The following PBX1 variants were observed in gnomAD, a reference collection of about 807,000 sequenced individuals.
PBX1 encodes the protein pre-B-cell leukemia transcription factor 1.
PBX1 carries 6 observed loss-of-function variants against 53.4 expected under a neutral mutation model. The observed-to-expected ratio is 0.11, with a 90% CI of 0.06 to 0.22. PBX1 has a LOEUF of 0.22. PBX1 is among the 10% of genes least tolerant of loss of function. The pLI, the probability that PBX1 is intolerant of heterozygous loss-of-function variation, is 1.00. For synonymous variants in PBX1, 204 were observed against 212.3 expected (o/e 0.96, Z 0.34); for missense variants, 251 against 551.4 (o/e 0.46, Z 5.46).
chr1:164,640,439 A>T (rs1659049756), intron 2 of PBX1, among the ~76,000 whole-genome samples: 1 of 151,860 alleles, frequency 6.6e-6, no homozygotes, highest in Non-Finnish European at 1.5e-5. Flanking sequence ...TAAGTGCTCC[A>T]CTCAGCAGAT....
At chr1:164,707,414 T>TGAGAGA (rs1335251572) in intron 2 of PBX1, among the ~76,000 whole-genome samples, 20 of 106,754 alleles carry the variant, frequency 1.9e-4, no homozygotes, top group Admixed American at 8.0e-4. Context: ...TGTGTGTGTG[T>TGAGAGA]GTGTGAGAGA....
chr1:164,576,508 C>G (rs1283450020), intron 2 of PBX1, among the ~76,000 whole-genome samples: 1 of 152,186 alleles, frequency 6.6e-6, no homozygotes, highest in Non-Finnish European at 1.5e-5. Flanking sequence ...GAGTTCCCAG[C>G]GCAGGCCGCA....
intron 2 of PBX1, among the ~76,000 whole-genome samples, chr1:164,628,716 ATCTCTCTCTT>A (rs955875518): frequency 1.4e-4 from 21 of 149,778 alleles, no homozygotes; most frequent in African/African-American, 4.9e-4. Flanking sequence ...TTATATCTGT[ATCTCTCTCTT>A]TCTCTCTCTA....
At chr1:164,793,593 C>T (rs892709090) in intron 3 of PBX1, among the ~76,000 whole-genome samples, 1 of 152,112 alleles carries the variant, frequency 6.6e-6, no homozygotes, top group Non-Finnish European at 1.5e-5. Flanking sequence ...ATAGAGAACC[C>T]CCATCCCATC....
intron 2 of PBX1, among the ~76,000 whole-genome samples, chr1:164,664,514 A>G (rs1170506329): frequency 6.6e-6 from 1 of 152,212 alleles, no homozygotes; most frequent in Non-Finnish European, 1.5e-5. Flanking sequence ...TAGTCACAAT[A>G]TCAACTGGCA....
downstream of PBX1, among the ~76,000 whole-genome samples, chr1:164,853,273 G>C (rs933225548): frequency 4.6e-5 from 7 of 152,204 alleles, no homozygotes; most frequent in Non-Finnish European, 1.0e-4. Flanking sequence ...AGGGGTAGGC[G>C]TGGGGATTAG....
chr1:164,654,894 G>A (rs1660055229), intron 2 of PBX1, among the ~76,000 whole-genome samples: 1 of 152,134 alleles, frequency 6.6e-6, no homozygotes, highest in Non-Finnish European at 1.5e-5. Flanking sequence ...GCTTGTGATT[G>A]GGGAGTAATG....
chr1:164,664,614 T>C (rs1031938916), intron 2 of PBX1, among the ~76,000 whole-genome samples: 15 of 152,340 alleles, frequency 9.8e-5, no homozygotes, highest in African/African-American at 3.6e-4. Context: ...CGTGATGGTA[T>C]GTATTAGTCT....
chr1:164,646,367 G>C (rs1659452054), intron 2 of PBX1, among the ~76,000 whole-genome samples: 1 of 152,198 alleles, frequency 6.6e-6, no homozygotes, highest in African/African-American at 2.4e-5. Context: ...TGCATAACTA[G>C]TTTGATCAAC....
At chr1:164,635,729 G>A (rs185321083) in intron 2 of PBX1, among the ~76,000 whole-genome samples, 15 of 152,324 alleles carry the variant, frequency 9.8e-5, no homozygotes, top group East Asian at 5.8e-4. Flanking sequence ...TTTAATTTAC[G>A]TCTATTATAT....
At chr1:164,866,279 C>T (rs1217864358) in intron 2 of PBX1, among the ~76,000 whole-genome samples, 1 of 152,220 alleles carries the variant, frequency 6.6e-6, no homozygotes, top group Non-Finnish European at 1.5e-5. Flanking sequence ...TCTACTCACA[C>T]ACTGGATATC....
chr1:164,583,922 C>G (rs1360528289), intron 2 of PBX1, among the ~76,000 whole-genome samples: 1 of 152,132 alleles, frequency 6.6e-6, no homozygotes, highest in African/African-American at 2.4e-5. Context: ...TTAAGTATAG[C>G]ATAGCACTTA....
At chr1:164,866,294 C>T (rs910557167) in intron 2 of PBX1, among the ~76,000 whole-genome samples, 4 of 152,326 alleles carry the variant, frequency 2.6e-5, no homozygotes, top group African/African-American at 9.6e-5. Context: ...GATATCTTCA[C>T]GCTTGTAGCT....
chr1:164,842,004 A>G (rs756445450), intron 8 of PBX1, among the ~76,000 whole-genome samples: 10 of 152,218 alleles, frequency 6.6e-5, no homozygotes, highest in South Asian at 2.1e-4. Context: ...TCTTAGTGCC[A>G]GGCTTGCTTG....
At chr1:164,637,431 C>T (rs1658848416) in intron 2 of PBX1, among the ~76,000 whole-genome samples, 1 of 152,148 alleles carries the variant, frequency 6.6e-6, no homozygotes, top group African/African-American at 2.4e-5. Flanking sequence ...TGGCTGAGGC[C>T]GTTGACTATA....
chr1:164,695,756 G>C lies in PBX1; in HGVS notation c.266-96738G>C, dbSNP rs184049971. ...TATCCACTGGTCCCAACATTCTTCA[G>C]AATCAGGCAACTTTAGTACCACATC... On this transcript the variant is annotated intron_variant, in intron 2 of 8. Transcript: ENST00000420696. 2.0e-5 allele frequency among the ~76,000 whole-genome samples: 3 copies of C among 152,298 alleles called. No homozygotes were observed. In the East Asian group the frequency reaches 5.8e-4, roughly 29 times the overall value.
rs138455027 is a variant in PBX1, at chr1:164,849,134, G to A, written c.*2458G>A. The A allele has an allele frequency of 1.8e-4, 252 of 1,380,458 alleles. 1 individual carries two copies. In the African/African-American group the frequency reaches 2.8e-3, roughly 16 times the overall value. The allele number at this position is 1,380,458 out of a possible 1,614,324, so 85.5% of individuals were successfully genotyped here. A position where few individuals can be genotyped will look rare whatever the true frequency, so the allele number is the denominator to read the frequency against. On this transcript the variant is annotated 3_prime_UTR_variant, in exon 9 of 9. Coordinates refer to ENST00000420696, the MANE Select transcript of PBX1 (RefSeq NM_002585.4). ...ATTTGCTTGACTTAGGGCAAAGTAC[G>A]AAAGAGAGACAAAAGGGTTCTCTTG...
intron 2 of PBX1, among the ~76,000 whole-genome samples, chr1:164,686,329 T>C (rs1487118075): frequency 2.0e-5 from 3 of 152,226 alleles, no homozygotes; most frequent in South Asian, 2.1e-4. Flanking sequence ...GTGTCAAATA[T>C]CAACATTTTA....
chr1:164,719,544 G>T (rs780974883), intron 2 of PBX1, among the ~76,000 whole-genome samples: 41 of 152,234 alleles, frequency 2.7e-4, no homozygotes, highest in South Asian at 4.1e-4. Context: ...TAATATTTGT[G>T]CATGCTCTGA....
Sources: allele counts gnomAD v4.1 joint callset (sites outside exome capture counted in the v4.1 genomes callset), GRCh38; gene constraint gnomAD v4.1.1; transcripts MANE v1.5; gene names NCBI Gene and HGNC (gene_info 2026-07-23, HGNC 2026-07-21).